CFH: variants seen among roughly 807,000 people sequenced by gnomAD.
The protein encoded by CFH is complement factor H, also known as H factor 1 (complement).
CFH carries 53 observed loss-of-function variants against 147.3 expected under a neutral mutation model. The observed-to-expected ratio is 0.36, with a 90% CI of 0.29 to 0.45. The LOEUF (loss-of-function observed/expected upper bound fraction) is 0.45, where lower values mean the gene tolerates loss of function less well. CFH is among the 20% of genes least tolerant of loss of function. The pLI is 1.00. For synonymous variants in CFH, 536 were observed against 489.4 expected (o/e 1.10, Z -1.26); for missense variants, 1,380 against 1,498.0 (o/e 0.92, Z 1.30).
At chr1:196,697,958 A>T (rs28853072) in intron 9 of CFH, among the ~76,000 whole-genome samples, 94,161 of 145,536 alleles carry the variant, frequency 0.65, 30,739 homozygotes, top group East Asian at 0.95. Context: ...GAACAATGAG[A>T]ACACATGGAC....
intron 15 of CFH, among the ~76,000 whole-genome samples, chr1:196,730,144 T>C (rs1337961931): frequency 2.0e-5 from 3 of 151,932 alleles, no homozygotes; most frequent in African/African-American, 7.2e-5. Flanking sequence ...AGTTTGTTCA[T>C]GTTTTTCTGC....
chr1:196,721,286 T>G (rs1668993377), intron 11 of CFH, among the ~76,000 whole-genome samples: 1 of 152,070 alleles, frequency 6.6e-6, no homozygotes, highest in Non-Finnish European at 1.5e-5. Flanking sequence ...TCCTTTGCTG[T>G]GAAGAAAATT....
At chr1:196,700,734 C>T (rs1460680009) in intron 9 of CFH, 2 of 658,862 alleles carry the variant, frequency 3.0e-6, no homozygotes, top group African/African-American at 2.0e-5. Flanking sequence ...TCCAGTGCCC[C>T]CATGCCACTG....
At chr1:196,684,369 A>C (rs1228535236) in intron 6 of CFH, among the ~76,000 whole-genome samples, 1 of 151,984 alleles carries the variant, frequency 6.6e-6, no homozygotes, top group Non-Finnish European at 1.5e-5. Context: ...TAGTAAGAAA[A>C]ATGTAATGCA....
chr1:196,736,810 T>C lies in CFH; in HGVS notation c.2414-14T>C. The C allele has an allele frequency of 8.0e-7, 1 of 1,252,850 alleles. No homozygotes were observed. Among genetic ancestry groups the C allele is most frequent in the Non-Finnish European group, 1.0e-6 (1 of 967,208 alleles). 77.6% of individuals were successfully genotyped at this position (1,252,850 alleles called of 1,614,324 possible). A position where few individuals can be genotyped will look rare whatever the true frequency, so the allele number is the denominator to read the frequency against. ...TTTTATTATAACATTAATTATATTTTTAATATTTTTTAGTGGCACAAATAC... is the reference window on the plus strand; with the variant it reads ...TTTTATTATAACATTAATTATATTTCTAATATTTTTTAGTGGCACAAATAC... On this transcript the variant is annotated splice_polypyrimidine_tract_variant and intron_variant, in intron 15 of 21. Coordinates refer to ENST00000367429, the MANE Select transcript of CFH (RefSeq NM_000186.4).
chr1:196,717,853 TG>T (rs1668909092), intron 11 of CFH, among the ~76,000 whole-genome samples: 1 of 151,970 alleles, frequency 6.6e-6, no homozygotes, highest in African/African-American at 2.4e-5. Flanking sequence ...CTTACAACCT[TG>T]TGACAGGTGG....
At chr1:196,739,237 A>T (rs34752546) in intron 17 of CFH, among the ~76,000 whole-genome samples, 2 of 152,260 alleles carry the variant, frequency 1.3e-5, no homozygotes, top group Non-Finnish European at 2.9e-5. Flanking sequence ...CCGGAGATAT[A>T]TTCCCCATTG....
At chr1:196,672,323 A>G (rs1476752923) in intron 1 of CFH, among the ~76,000 whole-genome samples, 1 of 152,164 alleles carries the variant, frequency 6.6e-6, no homozygotes, top group Non-Finnish European at 1.5e-5. Context: ...TGTTTTGTTC[A>G]TTTAATCCTC....
At chr1:196,732,938 A>G (rs1336249012) in intron 15 of CFH, among the ~76,000 whole-genome samples, 1 of 152,062 alleles carries the variant, frequency 6.6e-6, no homozygotes, top group Non-Finnish European at 1.5e-5. Context: ...TCTGATCCTG[A>G]AGAGGTATCT....
chr1:196,677,827 C>A, intron 5 of CFH, 160 bp downstream of exon 5: 2 of 669,778 alleles, frequency 3.0e-6, no homozygotes, highest in East Asian at 5.6e-5. Flanking sequence ...TTGCATGCAT[C>A]ATTTCATTTT....
At position 196,747,260 on chromosome 1, in the gene CFH, C is replaced by A; in HGVS notation, c.3643C>A (p.Arg1215=). The A allele has an allele frequency of 1.2e-6, 2 of 1,613,908 alleles. No individual in the cohort carries two copies. The highest frequency in any genetic ancestry group is 2.2e-5 in the South Asian group (2 of 91,082). ...YRLSSRSHTL[R]TTCWDGKLEY... is the part of the protein sequence containing the mutation. ...TCTTTCATCACGTTCTCACACATTG[C>A]GAACAACATGTTGGGATGGGAAACT... Residue 1215 remains arginine (R), a synonymous_variant, in exon 22 of 22, where the codon CGA becomes AGA. Coordinates refer to ENST00000367429, the MANE Select transcript of CFH (RefSeq NM_000186.4).
chr1:196,670,964 T>TA (rs1216862188), intron 1 of CFH, among the ~76,000 whole-genome samples: 2 of 152,322 alleles, frequency 1.3e-5, no homozygotes, highest in East Asian at 3.9e-4. Flanking sequence ...CACATTTTTT[T>TA]ATACTCTGTT....
chr1:196,693,879 T>A (rs1668153328), intron 9 of CFH, among the ~76,000 whole-genome samples: 1 of 152,066 alleles, frequency 6.6e-6, no homozygotes, highest in African/African-American at 2.4e-5. Context: ...AAGAAAAATA[T>A]TCATCTGCAG....
At chr1:196,656,346 G>C (rs1270150061) in intron 1 of CFH, among the ~76,000 whole-genome samples, 2 of 150,514 alleles carry the variant, frequency 1.3e-5, no homozygotes, top group African/African-American at 4.9e-5. Context: ...GAAAGAAAAG[G>C]AAAAAGCAAT....
At chr1:196,712,549 A>G (rs1001543047) in intron 9 of CFH, among the ~76,000 whole-genome samples, 1 of 151,726 alleles carries the variant, frequency 6.6e-6, no homozygotes, top group African/African-American at 2.4e-5. Context: ...TGAGTTATTT[A>G]AAAATGAAGC....
intron 9 of CFH, among the ~76,000 whole-genome samples, chr1:196,700,383 A>G (rs1668414125): frequency 6.6e-6 from 1 of 151,812 alleles, no homozygotes; most frequent in African/African-American, 2.4e-5. Flanking sequence ...CCCAGACATG[A>G]TGGCTCACAC....
At chr1:196,722,614 G>C (rs1310297043) in intron 11 of CFH, among the ~76,000 whole-genome samples, 1 of 152,104 alleles carries the variant, frequency 6.6e-6, no homozygotes, top group Non-Finnish European at 1.5e-5. Context: ...TGAGCCTCTT[G>C]TATAAGGATT....
chr1:196,662,810 G>A (rs964311980), intron 1 of CFH, among the ~76,000 whole-genome samples: 2 of 151,954 alleles, frequency 1.3e-5, no homozygotes, highest in Non-Finnish European at 2.9e-5. Flanking sequence ...GAGCCCAGGG[G>A]GTCAGGGTCG....
At chr1:196,706,271 T>G (rs959836809) in intron 9 of CFH, among the ~76,000 whole-genome samples, 1 of 152,048 alleles carries the variant, frequency 6.6e-6, no homozygotes, top group African/African-American at 2.4e-5. Flanking sequence ...GCTCTTAACC[T>G]TTGATGATTA....
Sources: gnomAD v4.1 joint callset for allele counts (sites outside exome capture counted in the v4.1 genomes callset) on GRCh38, gnomAD v4.1.1 for gene constraint, MANE v1.5 for transcripts, NCBI Gene and HGNC (gene_info 2026-07-23, HGNC 2026-07-21) for gene names.